SPOCK3: variants seen among roughly 807,000 people sequenced by gnomAD.
SPOCK3 encodes the protein testican-3.
A neutral mutation model predicts 56.6 loss-of-function variants in SPOCK3; 30 were observed. That is an observed-to-expected ratio of 0.53 (90% confidence interval 0.40 to 0.72). The LOEUF is 0.72. SPOCK3 is among the 30% of genes least tolerant of loss of function. SPOCK3 has a pLI of 0.00. For missense variants in SPOCK3, 527 were observed against 530.0 expected, an observed-to-expected ratio of 0.99 and a Z score of 0.06; for synonymous variants, 196 against 183.3, an observed-to-expected ratio of 1.07 and a Z score of -0.56.
At chr4:167,205,173 T>A (rs1297238731) in intron 2 of SPOCK3, among the ~76,000 whole-genome samples, 2 of 111,504 alleles carry the variant, frequency 1.8e-5, no homozygotes, top group Admixed American at 2.7e-4. Context: ...TAATATATAT[T>A]ATATATTATA....
chr4:166,819,656 T>A (rs72984084), intron 6 of SPOCK3, among the ~76,000 whole-genome samples: 7,057 of 151,942 alleles, frequency 0.046, 526 homozygotes, highest in African/African-American at 0.16. Context: ...TAAAAATAAA[T>A]TTAACATGTA....
intron 4 of SPOCK3, among the ~76,000 whole-genome samples, chr4:166,947,591 T>TA (rs570134546): frequency 2.6e-5 from 4 of 152,074 alleles, no homozygotes; most frequent in African/African-American, 4.8e-5. Flanking sequence ...ATTGGCAATT[T>TA]AAAAAAAAGA....
chr4:166,807,116 G>A (rs1743246943), intron 6 of SPOCK3, among the ~76,000 whole-genome samples: 1 of 151,942 alleles, frequency 6.6e-6, no homozygotes, highest in Non-Finnish European at 1.5e-5. Context: ...AGTTATATCA[G>A]ATAAAAGATA....
intron 4 of SPOCK3, among the ~76,000 whole-genome samples, chr4:166,952,420 A>G (rs1742775007): frequency 1.3e-5 from 2 of 152,162 alleles, no homozygotes; most frequent in South Asian, 4.1e-4. Flanking sequence ...ACCACTGCTC[A>G]AGGAAATAAA....
chr4:167,035,422 A>C (rs947947366), intron 3 of SPOCK3, among the ~76,000 whole-genome samples: 1 of 152,146 alleles, frequency 6.6e-6, no homozygotes, highest in African/African-American at 2.4e-5. Flanking sequence ...ATGAAAAAAA[A>C]AAGTATCCTA....
chr4:166,862,525 C>T (rs1731343768), intron 6 of SPOCK3, among the ~76,000 whole-genome samples: 1 of 151,948 alleles, frequency 6.6e-6, no homozygotes, highest in African/African-American at 2.4e-5. Context: ...ACAAAATAAT[C>T]TAAACTTTAA....
At chr4:167,116,364 T>G (rs1761324282) in intron 2 of SPOCK3, among the ~76,000 whole-genome samples, 1 of 149,370 alleles carries the variant, frequency 6.7e-6, no homozygotes, top group Non-Finnish European at 1.5e-5. Flanking sequence ...GCAAGTCAAA[T>G]AAATTACAAA....
intron 4 of SPOCK3, among the ~76,000 whole-genome samples, chr4:166,970,854 A>T (rs1294997561): frequency 9.2e-5 from 14 of 152,146 alleles, no homozygotes; most frequent in Non-Finnish European, 1.0e-4. Flanking sequence ...TATATTGCCA[A>T]CTCCAACTAC....
intron 6 of SPOCK3, among the ~76,000 whole-genome samples, chr4:166,827,549 C>T (rs1162396756): frequency 6.6e-6 from 1 of 152,080 alleles, no homozygotes; most frequent in Non-Finnish European, 1.5e-5. Flanking sequence ...GAGCTGCCCT[C>T]AGTTACCACT....
chr4:167,067,682 C>A (rs1756292406), intron 2 of SPOCK3, among the ~76,000 whole-genome samples: 1 of 151,558 alleles, frequency 6.6e-6, no homozygotes, highest in Admixed American at 6.6e-5. Flanking sequence ...ACATAAAAAC[C>A]AACATTAGAT....
intron 2 of SPOCK3, among the ~76,000 whole-genome samples, chr4:167,232,600 C>T (rs1737288446): frequency 1.3e-5 from 2 of 152,164 alleles, no homozygotes; most frequent in Admixed American, 1.3e-4. Context: ...GAATATCTCA[C>T]TCGCTATCCT....
intron 2 of SPOCK3, among the ~76,000 whole-genome samples, chr4:167,123,702 G>C (rs1041763681): frequency 6.7e-6 from 1 of 150,184 alleles, no homozygotes; most frequent in African/African-American, 2.5e-5. Flanking sequence ...GCTTTTCCCT[G>C]AGCCCAGAAA....
intron 2 of SPOCK3, among the ~76,000 whole-genome samples, chr4:167,159,235 C>T (rs1446250784): frequency 6.6e-6 from 1 of 151,872 alleles, no homozygotes; most frequent in Non-Finnish European, 1.5e-5. Flanking sequence ...ACATTTATCC[C>T]AATGGTACCA....
At chr4:166,945,911 A>C (rs1430644947) in intron 4 of SPOCK3, among the ~76,000 whole-genome samples, 1 of 152,172 alleles carries the variant, frequency 6.6e-6, no homozygotes, top group African/African-American at 2.4e-5. Flanking sequence ...ACTCTGCTCC[A>C]CTTAAAGCCT....
chr4:167,206,467 G>A (rs909349062), intron 2 of SPOCK3, among the ~76,000 whole-genome samples: 1 of 151,842 alleles, frequency 6.6e-6, no homozygotes, highest in African/African-American at 2.4e-5. Flanking sequence ...TTAAATGACA[G>A]CTGATTCAAA....
intron 7 of SPOCK3, among the ~76,000 whole-genome samples, chr4:166,774,114 C>T (rs1394501094): frequency 6.6e-6 from 1 of 152,152 alleles, no homozygotes; most frequent in South Asian, 2.1e-4. Context: ...CTGATTCTTT[C>T]TTTCTGTAGC....
At chr4:167,105,882 A>G (rs1266577682) in intron 2 of SPOCK3, among the ~76,000 whole-genome samples, 4 of 151,962 alleles carry the variant, frequency 2.6e-5, no homozygotes, top group African/African-American at 9.7e-5. Context: ...AACTATAAGA[A>G]ACAAAGAAGT....
At chr4:166,882,807 G>A (rs972359969) in intron 6 of SPOCK3, 2 of 152,126 alleles carry the variant, frequency 1.3e-5, no homozygotes, top group Admixed American at 6.5e-5. Context: ...TCCTCTTTCA[G>A]GTTATGTTCT....
intron 2 of SPOCK3, among the ~76,000 whole-genome samples, chr4:167,075,559 G>T (rs1757110437): frequency 6.6e-6 from 1 of 151,942 alleles, no homozygotes; most frequent in Non-Finnish European, 1.5e-5. Context: ...GAATATTTCA[G>T]TTAATTTGAT....
Sources: gnomAD v4.1 joint callset for allele counts (sites outside exome capture counted in the v4.1 genomes callset) on GRCh38, gnomAD v4.1.1 for gene constraint, MANE v1.5 for transcripts, NCBI Gene and HGNC (gene_info 2026-07-23, HGNC 2026-07-21) for gene names.